Variants in ANXA4 observed in about 807,000 individuals in gnomAD.
ANXA4 encodes the protein 35-beta calcimedin.
In ANXA4, 39 loss-of-function variants were observed where a neutral mutation model predicts 49.8. That is an observed-to-expected ratio of 0.78 (90% CI 0.61 to 1.02). ANXA4 has a LOEUF of 1.02. Among genes scored for constraint, ANXA4 ranks in the 50% least tolerant of loss-of-function variants. ANXA4 has a pLI of 0.00. For synonymous variants in ANXA4, 134 were observed against 152.5 expected, an observed-to-expected ratio of 0.88 and a Z score of 0.89; for missense variants, 360 against 410.1, an observed-to-expected ratio of 0.88 and a Z score of 1.05.
chr2:69,720,749 A>G (rs1669793345), intron 2 of ANXA4: 1 of 152,232 alleles, frequency 6.6e-6, no homozygotes. Flanking sequence ...GGAGGGGTCC[A>G]AATGTCACTT....
chr2:69,756,512 C>A (rs1354226854), intron 1 of ANXA4, among the ~76,000 whole-genome samples: 1 of 152,162 alleles, frequency 6.6e-6, no homozygotes, highest in East Asian at 1.9e-4. Flanking sequence ...ACAGAGATTT[C>A]TTTGTTCCTT....
At chr2:69,713,863 A>G (rs1213310699) in intron 2 of ANXA4, 2 of 152,278 alleles carry the variant, frequency 1.3e-5, no homozygotes, top group African/African-American at 4.8e-5. Flanking sequence ...GTTATGCCTC[A>G]GCAGCTTTCG....
chr2:69,784,162 C>T (rs959937072), intron 2 of ANXA4, among the ~76,000 whole-genome samples: 3 of 152,198 alleles, frequency 2.0e-5, no homozygotes, highest in Non-Finnish European at 4.4e-5. Flanking sequence ...AATTCCCTGT[C>T]TTCCCAGAAT....
At chr2:69,767,600 A>G (rs1020959110) in intron 1 of ANXA4, among the ~76,000 whole-genome samples, 1 of 152,244 alleles carries the variant, frequency 6.6e-6, no homozygotes, top group Non-Finnish European at 1.5e-5. Context: ...GAAAGGCCGT[A>G]TGGCTGAATT....
In ANXA4 at chr2:69,815,841, C is replaced by G. The variant is rs180725818; in HGVS notation, c.535-260C>G. On this transcript the variant is annotated intron_variant, in intron 8 of 12. Transcript: ENST00000394295. The stretch of plus-strand genomic sequence containing the variant: ...CCCAAATCTAGGGCATTTCTTTTAG[C>G]TCTTAAGATAGAACCATGTAGTCTC... The G allele has an allele frequency of 7.5e-6, 3 of 400,492 alleles. No homozygotes were observed. The East Asian group carries it at 1.1e-4, about 15-fold the overall frequency. The allele number at this position is 400,492 out of a possible 1,614,324, so 24.8% of individuals were successfully genotyped here.
chr2:69,668,265 A>T (rs1250892535), intron 2 of ANXA4, among the ~76,000 whole-genome samples: 1 of 152,138 alleles, frequency 6.6e-6, no homozygotes, highest in Non-Finnish European at 1.5e-5. Flanking sequence ...TTTATTTGTT[A>T]TTACAGAAGT....
intron 2 of ANXA4, among the ~76,000 whole-genome samples, chr2:69,662,793 C>T (rs1676769711): frequency 6.6e-6 from 1 of 152,002 alleles, no homozygotes; most frequent in South Asian, 2.1e-4. Context: ...TTGTAGACCT[C>T]ACTCTTAGGG....
chr2:69,745,277 T>A (rs1670564804), intron 1 of ANXA4, among the ~76,000 whole-genome samples: 1 of 152,126 alleles, frequency 6.6e-6, no homozygotes, highest in Non-Finnish European at 1.5e-5. Flanking sequence ...TTAAAACCCA[T>A]AGGCTGGGTG....
intron 2 of ANXA4, among the ~76,000 whole-genome samples, chr2:69,698,809 AACT>A (rs1431773652): frequency 1.3e-5 from 2 of 152,178 alleles, no homozygotes; most frequent in Non-Finnish European, 2.9e-5. Context: ...ATGGTGATAC[AACT>A]ACTAATTCAT....
intron 1 of ANXA4, among the ~76,000 whole-genome samples, chr2:69,744,834 A>G (rs762973034): frequency 2.0e-5 from 3 of 152,200 alleles, no homozygotes; most frequent in Non-Finnish European, 4.4e-5. Flanking sequence ...GGTTCATAGT[A>G]ATTTGGATTT....
intron 1 of ANXA4, among the ~76,000 whole-genome samples, chr2:69,749,394 T>G (rs1670747916): frequency 6.6e-6 from 1 of 152,142 alleles, no homozygotes; most frequent in Non-Finnish European, 1.5e-5. Context: ...AAGCACCATA[T>G]TTTGGGATAT....
At chr2:69,748,688 C>G (rs985396750) in intron 1 of ANXA4, among the ~76,000 whole-genome samples, 2 of 149,756 alleles carry the variant, frequency 1.3e-5, no homozygotes, top group African/African-American at 4.9e-5. Context: ...CAGTGGGGTG[C>G]AGATGCTTGT....
chr2:69,646,875 T>C (rs766470645), intron 1 of ANXA4, among the ~76,000 whole-genome samples: 1 of 152,234 alleles, frequency 6.6e-6, no homozygotes, highest in African/African-American at 2.4e-5. Flanking sequence ...ATTTCTTTGA[T>C]TGGACAAGAG....
In ANXA4 at chr2:69,804,597, C is replaced by A; in HGVS notation, c.162C>A (p.Ile54=). Residue 54 remains isoleucine, a synonymous_variant, in exon 4 of 13, where the codon ATC becomes ATA. Coordinates refer to ENST00000394295, the MANE Select transcript of ANXA4 (RefSeq NM_001153.5). ...AYRNTAQRQE[I]RTAYKSTIGR... The stretch of plus-strand genomic sequence containing the variant: ...GCAACACCGCCCAGCGCCAGGAGAT[C>A]AGGACAGCCTACAAGAGCACCATCG... 6.2e-7 allele frequency: 1 copy of A among 1,613,732 alleles called. No individual in the cohort carries two copies. The highest frequency in any genetic ancestry group is 1.1e-5 in the South Asian group (1 of 90,984).
intron 3 of ANXA4, among the ~76,000 whole-genome samples, chr2:69,729,329 A>G (rs1467684064): frequency 6.6e-6 from 1 of 152,216 alleles, no homozygotes; most frequent in Non-Finnish European, 1.5e-5. Context: ...ATAACGTCTT[A>G]TAATTTTCAG....
At chr2:69,723,231 A>G (rs998963489) in intron 3 of ANXA4, among the ~76,000 whole-genome samples, 2 of 151,486 alleles carry the variant, frequency 1.3e-5, no homozygotes, top group Non-Finnish European at 2.9e-5. Flanking sequence ...TAAAGATAAG[A>G]GCAAACACCA....
chr2:69,691,998 G>A (rs958412683), intron 2 of ANXA4, among the ~76,000 whole-genome samples: 3 of 152,134 alleles, frequency 2.0e-5, no homozygotes, highest in South Asian at 4.1e-4. Flanking sequence ...CGATTCTCCC[G>A]CCTCAGCCTC....
chr2:69,708,799 T>A (rs1294861599), intron 2 of ANXA4, among the ~76,000 whole-genome samples: 1 of 151,966 alleles, frequency 6.6e-6, no homozygotes, highest in South Asian at 2.1e-4. Flanking sequence ...GGCAGATCAT[T>A]TGAGGCCAGG....
intron 2 of ANXA4, among the ~76,000 whole-genome samples, chr2:69,676,554 A>T (rs989306331): frequency 1.3e-5 from 2 of 152,206 alleles, no homozygotes; most frequent in African/African-American, 4.8e-5. Flanking sequence ...CTGGTTATAA[A>T]AGTACATATG....
Sources: gnomAD v4.1 joint callset for allele counts (sites outside exome capture counted in the v4.1 genomes callset) on GRCh38, gnomAD v4.1.1 for gene constraint, MANE v1.5 for transcripts, NCBI Gene and HGNC (gene_info 2026-07-23, HGNC 2026-07-21) for gene names.